The following CCDC187 variants were observed in gnomAD, a reference collection of about 807,000 sequenced individuals.
CCDC187 encodes coiled-coil domain-containing protein 187.
A neutral mutation model predicts 38.0 loss-of-function variants in CCDC187; 32 were observed. That is an observed-to-expected ratio of 0.84 (90% CI 0.64 to 1.13). The LOEUF (loss-of-function observed/expected upper bound fraction) is 1.13, where lower values mean the gene tolerates loss of function less well. CCDC187 is among the 50% of genes most tolerant of loss of function. The pLI is 0.00. For missense variants in CCDC187, 707 were observed against 786.8 expected, an observed-to-expected ratio of 0.90 and a Z score of 1.21; for synonymous variants, 333 against 347.9, an observed-to-expected ratio of 0.96 and a Z score of 0.48.
chr9:136,285,353 T>TGGCCG (rs1164404998), intron 9 of CCDC187, among the ~76,000 whole-genome samples, 160 bp downstream of exon 9: 1 of 152,088 alleles, frequency 6.6e-6, no homozygotes, highest in African/African-American at 2.4e-5. Context: ...TCCGGGTCCC[T>TGGCCG]GGCCGCAGCC....
At chr9:136,262,562 A>G (rs62579904) in intron 18 of CCDC187, 100 bp from the exon 19 acceptor site, 145,450 of 943,584 alleles carry the variant, frequency 0.15, 11,613 homozygotes, top group East Asian at 0.27. Context: ...TGGCAGGGCT[A>G]GGGCAGTGCC....
rs1830543453 is a variant in CCDC187, at chr9:136,251,895, GCGGAGCCGGCCGCCCACC to G, written c.*1681_*1698del. ...CCGGGAAGGTCCAGGCGACCGTCCC[GCGGAGCCGGCCGCCCACC>G]TGGTCCACCCTGGGAAGAGCCGGCC... On this transcript the variant is annotated 3_prime_UTR_variant, in exon 26 of 26. Transcript: ENST00000638797. 1 of 143,286 alleles carries G rather than the reference GCGGAGCCGGCCGCCCACC, an allele frequency of 7.0e-6. No homozygotes were observed. The highest frequency in any genetic ancestry group is 6.9e-5 in the Admixed American group (1 of 14,466). 8.9% of individuals were successfully genotyped at this position (143,286 alleles called of 1,614,324 possible). A position where few individuals can be genotyped will look rare whatever the true frequency, so the allele number is the denominator to read the frequency against.
In CCDC187 at chr9:136,281,492, G is replaced by A. The variant is rs886394859; in HGVS notation, c.3040+59C>T. 313 of 398,708 alleles carry A rather than the reference G, an allele frequency of 7.9e-4. 1 individual carries two copies. Among genetic ancestry groups the A allele is most frequent in the African/African-American group, 4.7e-3 (227 of 48,738 alleles). 24.7% of individuals were successfully genotyped at this position (398,708 alleles called of 1,614,324 possible). A position where few individuals can be genotyped will look rare whatever the true frequency, so the allele number is the denominator to read the frequency against. ...TGCTAGGCAGTGGAAGGTGTTCTCG[G>A]TGGATGCCCCGGCCACCCGACCAGC... On this transcript the variant is annotated intron_variant, in intron 10 of 25. Coordinates refer to ENST00000638797, the MANE Select transcript of CCDC187 (RefSeq NM_001378188.1).
At chr9:136,299,085 C>T (rs1831606846) in intron 3 of CCDC187, among the ~76,000 whole-genome samples, 1 of 152,144 alleles carries the variant, frequency 6.6e-6, no homozygotes, top group Admixed American at 6.5e-5. Context: ...AAAGTGGTCA[C>T]CAAGCTGATG....
chr9:136,291,203 G>A lies in CCDC187; in HGVS notation c.1410C>T (p.Asp470=). The change falls in exon 6 of 26, where the codon GAC becomes GAT. Residue 470 remains aspartate, a synonymous_variant. Transcript: ENST00000638797. ...PQRAWGAQGQ[D]RSFQRPESPH... is the part of the protein sequence containing the mutation. ...GACTCTCCGGCCTCTGGAAGGAGCGGTCCTGTCCTTGGGCCCCCCAGGCCC... is the reference window on the plus strand; with the variant it reads ...GACTCTCCGGCCTCTGGAAGGAGCGATCCTGTCCTTGGGCCCCCCAGGCCC... The A allele has an allele frequency of 2.5e-6, 1 of 398,768 alleles. No individual in the cohort carries two copies. Among genetic ancestry groups the A allele is most frequent in the Non-Finnish European group, 4.4e-6 (1 of 226,168 alleles). 24.7% of individuals were successfully genotyped at this position (398,768 alleles called of 1,614,324 possible).
At chr9:136,269,512 G>C (rs868990745) in intron 14 of CCDC187, among the ~76,000 whole-genome samples, 1 of 152,180 alleles carries the variant, frequency 6.6e-6, no homozygotes, top group Admixed American at 6.5e-5. Context: ...GCTGGGCGTG[G>C]TGGTGGGCGC....
chr9:136,291,319 C>T lies in CCDC187; in HGVS notation c.1294G>A (p.Glu432Lys), dbSNP rs1401679298. The T allele has an allele frequency of 2.5e-6, 1 of 398,606 alleles. No individual in the cohort carries two copies. The highest frequency in any genetic ancestry group is 4.4e-6 in the Non-Finnish European group (1 of 226,118). 24.7% of individuals were successfully genotyped at this position (398,606 alleles called of 1,614,324 possible). Residue 432 changes from glutamate to lysine, a missense_variant, in exon 6 of 26, where the codon GAG becomes AAG. By Grantham distance (56) the Glu-to-Lys change is moderately conservative. Transcript: ENST00000638797. The stretch of plus-strand genomic sequence containing the variant: ...CTCTCTAAAGAGGAATGCTTCCTCT[C>T]TGTCATGGCCCAGGGACTCTTAGAG... ...SFSKSPWAMT[E>K]RKHSSLERAR... is the part of the protein sequence containing the mutation.
At chr9:136,282,542 C>T (rs949085795) in intron 9 of CCDC187, among the ~76,000 whole-genome samples, 5 of 152,188 alleles carry the variant, frequency 3.3e-5, no homozygotes, top group African/African-American at 1.2e-4. Flanking sequence ...CACCTCACTT[C>T]GCATTTCTTA....
rs1554760429 is a variant in CCDC187 at position 136,257,242 on chromosome 9, G to A, written c.4367-401C>T. Among the ~76,000 whole-genome samples the A allele has an allele frequency of 6.6e-6, 1 of 152,232 alleles. No individual in the cohort carries two copies. The highest frequency in any genetic ancestry group is 1.5e-5 in the Non-Finnish European group (1 of 68,010). On this transcript the variant is annotated intron_variant, in intron 22 of 25. Transcript: ENST00000638797. This position sits in a 1 kb window ranked among gnomAD's most constrained non-coding sequence, Gnocchi z 4.5. ...ACAAAAATTAGGCGGGCATGGTGGC[G>A]GGGGCCTATAATTCCAGCTACTCAG... is the stretch of plus-strand genomic sequence containing the variant.
At position 136,258,302 on chromosome 9, in the gene CCDC187, A is replaced by AC. The variant is rs1179582283; in HGVS notation, c.4366+629dup. Among the ~76,000 whole-genome samples the AC allele has an allele frequency of 1.3e-5, 2 of 149,996 alleles. No homozygotes were observed. The highest frequency in any genetic ancestry group is 2.1e-4 in the South Asian group (1 of 4,684). On this transcript the variant is annotated intron_variant, in intron 22 of 25. Coordinates refer to ENST00000638797, the MANE Select transcript of CCDC187 (RefSeq NM_001378188.1). This position sits in a 1 kb window ranked among gnomAD's most constrained non-coding sequence, Gnocchi z 4.3. ...GCTCTCCCTGGCCCCAACGGCAGGG[A>AC]CCCCCCAGTCTATGCCACCCCCCTT...
chr9:136,297,377 A>C (rs1831562113), intron 4 of CCDC187, among the ~76,000 whole-genome samples: 1 of 152,110 alleles, frequency 6.6e-6, no homozygotes, highest in Non-Finnish European at 1.5e-5. Context: ...GTGGTTGAAC[A>C]GCTCTGTTTT....
In CCDC187 at chr9:136,282,396, C is replaced by T. The variant is rs949116756; in HGVS notation, c.2928-733G>A. 4.6e-3 allele frequency among the ~76,000 whole-genome samples: 700 copies of T among 152,302 alleles called. 1 individual carries two copies. The highest frequency in any genetic ancestry group is 8.1e-3 in the Non-Finnish European group (551 of 68,014). ...AGTGGTGAGGGAGAGCTACCAGGCA[C>T]GGGGAGGCAGTGCTACTGGGATGAG... is the stretch of plus-strand genomic sequence containing the variant. On this transcript the variant is annotated intron_variant, in intron 9 of 25. Transcript: ENST00000638797.
At position 136,253,135 on chromosome 9, in the gene CCDC187, C is replaced by A. The variant is rs1319675869; in HGVS notation, c.*459G>T. The A allele has an allele frequency of 6.6e-6, 1 of 152,328 alleles. No homozygotes were observed. The allele number at this position is 152,328 out of a possible 1,614,324, so 9.4% of individuals were successfully genotyped here. ...CCAAGCAGGCTCGGCTGCCCAGGGA[C>A]CCTGCCGCAGGTGAGGCAGTGTCCA... On this transcript the variant is annotated 3_prime_UTR_variant, in exon 26 of 26. Coordinates refer to ENST00000638797, the MANE Select transcript of CCDC187 (RefSeq NM_001378188.1).
At chr9:136,298,397 G>A (rs1831587866) in intron 3 of CCDC187, among the ~76,000 whole-genome samples, 1 of 152,306 alleles carries the variant, frequency 6.6e-6, no homozygotes, top group African/African-American at 2.4e-5. Context: ...AGGGGGCGGA[G>A]TTTGTTCAAA....
rs2131281451 is a variant in CCDC187, at chr9:136,286,348, G to A, written c.2570C>T (p.Pro857Leu). Residue 857 changes from proline (P) to leucine (L), a missense_variant, in exon 8 of 26, where the codon CCA (proline) becomes CTA (leucine). Coordinates refer to ENST00000638797, the MANE Select transcript of CCDC187 (RefSeq NM_001378188.1). ...GAEALDTVRDPAVGLLRSCPH... is the reference protein window; with the variant it reads ...GAEALDTVRDLAVGLLRSCPH... ...GCACGAGCGCAGCAGGCCCACAGCT[G>A]GGTCCCTGACGGTGTCCAGCGCTTC... 4 of 398,658 alleles carry A rather than the reference G, an allele frequency of 1.0e-5. No homozygotes were observed. 24.7% of individuals were successfully genotyped at this position (398,658 alleles called of 1,614,324 possible).
chr9:136,268,230 G>A, intron 14 of CCDC187, 105 bp from the exon 15 acceptor site: 1 of 675,938 alleles, frequency 1.5e-6, no homozygotes, highest in Admixed American at 6.3e-5. Flanking sequence ...GTCTAGGGCA[G>A]TTTAGTGTCC....
intron 4 of CCDC187, among the ~76,000 whole-genome samples, chr9:136,294,161 T>A (rs1210681205): frequency 1.7e-5 from 1 of 59,124 alleles, no homozygotes; most frequent in Non-Finnish European, 3.4e-5. Context: ...CACACACACA[T>A]TCACTCACAC....
At position 136,255,022 on chromosome 9, in the gene CCDC187, G is replaced by T; in HGVS notation, c.4806C>A (p.Cys1602Ter). 1.0e-6 allele frequency: 1 copy of T among 985,544 alleles called. No individual in the cohort carries two copies. Among genetic ancestry groups the T allele is most frequent in the Non-Finnish European group, 1.2e-6 (1 of 830,008 alleles). The allele number at this position is 985,544 out of a possible 1,614,324, so 61.0% of individuals were successfully genotyped here. A position where few individuals can be genotyped will look rare whatever the true frequency, so the allele number is the denominator to read the frequency against. ...GPGSESASGT[C>*]WGPSEEATVS... ...CCGTGGCTTCTTCCGAAGGCCCCCA[G>T]CAGGTTCCAGAAGCAGACTCAGAGC... Residue 1602 changes from cysteine to a stop codon, truncating the protein, a stop_gained, in exon 26 of 26, where the codon TGC (cysteine) becomes TGA (stop). Coordinates refer to ENST00000638797, the MANE Select transcript of CCDC187 (RefSeq NM_001378188.1). LOFTEE classifies it low-confidence loss of function (END_TRUNC).
rs1830574756 is a variant in CCDC187 at position 136,253,568 on chromosome 9, C to T, written c.*26G>A. 9 of 983,608 alleles carry T rather than the reference C, an allele frequency of 9.1e-6. No individual in the cohort carries two copies. The allele number at this position is 983,608 out of a possible 1,614,324, so 60.9% of individuals were successfully genotyped here. ...CTGGTCGTCAACGCTTCCACCCGGA[C>T]CAGCCACCCCTGGGCAGAGCCCCAA... On this transcript the variant is annotated 3_prime_UTR_variant, in exon 26 of 26. Coordinates refer to ENST00000638797, the MANE Select transcript of CCDC187 (RefSeq NM_001378188.1).
Sources: gnomAD v4.1 joint callset for allele counts (sites outside exome capture counted in the v4.1 genomes callset) on GRCh38, gnomAD v4.1.1 for gene constraint, Gnocchi (gnomAD v3.1) non-coding constraint, MANE v1.5 for transcripts, NCBI Gene and HGNC (gene_info 2026-07-23, HGNC 2026-07-21) for gene names.